The following GDA variants were observed in gnomAD, a reference collection of about 807,000 sequenced individuals.
GDA encodes guanine deaminase, also known as cytoplasmic PSD-95 interactor.
In GDA, 18 loss-of-function variants were observed where a neutral mutation model predicts 59.6. That is an observed-to-expected ratio of 0.30 (90% CI 0.21 to 0.45). GDA has a LOEUF of 0.45. GDA is among the 20% of genes least tolerant of loss of function. The pLI, the probability that GDA is intolerant of heterozygous loss-of-function variation, is 1.00. For synonymous variants in GDA, 201 were observed against 201.1 expected, an observed-to-expected ratio of 1.00 and a Z score of 0.00; for missense variants, 427 against 552.3, an observed-to-expected ratio of 0.77 and a Z score of 2.27.
intron 1 of GDA, among the ~76,000 whole-genome samples, chr9:72,174,644 C>G (rs555309918): frequency 6.2e-4 from 94 of 151,994 alleles, no homozygotes; most frequent in African/African-American, 2.2e-3. Context: ...CAGAGAGAAG[C>G]AAAACTGCTT....
rs140386870 is a variant in GDA at position 72,182,394 on chromosome 9, CT to C, written c.124-13100del. On this transcript the variant is annotated intron_variant, in intron 1 of 13. Transcript: ENST00000358399. ...TTTCAAGAATATAGAAGAGTTTCTC[CT>C]TTTTTCAAACTGTCCCTTAATTTGG... 7.3e-3 allele frequency among the ~76,000 whole-genome samples: 1,108 copies of C among 152,188 alleles called. 16 individuals carry two copies. The highest frequency in any genetic ancestry group is 0.025 in the African/African-American group (1,027 of 41,520).
Position 72,248,354 on chromosome 9 carries a change from G to A in GDA, c.*12G>A, listed in dbSNP as rs377713055. ...CCAGCTCAGTGTAAGACCCTCGGGC[G>A]TCTACAAAGTTCTCCTGGGATTAGC... On this transcript the variant is annotated 3_prime_UTR_variant, in exon 14 of 14. Transcript: ENST00000358399. The A allele has an allele frequency of 3.0e-5, 49 of 1,613,292 alleles. No homozygotes were observed. The highest frequency in any genetic ancestry group is 1.7e-4 in the Middle Eastern group (1 of 6,058).
At chr9:72,194,181 C>A (rs114261084) in intron 1 of GDA, 1 of 152,128 alleles carries the variant, frequency 6.6e-6, no homozygotes. Flanking sequence ...ACCGTTTACC[C>A]TCTGCTTTCC....
intron 10 of GDA, among the ~76,000 whole-genome samples, chr9:72,236,142 C>T (rs1490968086): frequency 6.6e-6 from 1 of 152,174 alleles, no homozygotes; most frequent in African/African-American, 2.4e-5. Flanking sequence ...TGGAAACATT[C>T]TCGCTTTTCA....
chr9:72,234,788 A>G lies in GDA; in HGVS notation c.988+3607A>G, dbSNP rs76404435. On this transcript the variant is annotated intron_variant, in intron 10 of 13. Transcript: ENST00000358399. ...ATTTCTACAATATTGACACAAGGAA[A>G]AAAGTCAATTATCAACAAAACAATT... Among the ~76,000 whole-genome samples, 974 of 152,364 alleles carry G rather than the reference A, an allele frequency of 6.4e-3. 6 individuals are homozygous for G. Among genetic ancestry groups the G allele is most frequent in the Admixed American group, 9.5e-3 (146 of 15,310 alleles).
chr9:72,127,560 CCAG>C (rs921400810), intron 1 of GDA, among the ~76,000 whole-genome samples: 2 of 151,608 alleles, frequency 1.3e-5, no homozygotes, highest in African/African-American at 4.8e-5. Context: ...TCGCTTGAAC[CCAG>C]GAGGTGGAGG....
intron 10 of GDA, among the ~76,000 whole-genome samples, chr9:72,234,531 A>T (rs1838737614): frequency 6.6e-6 from 1 of 152,198 alleles, no homozygotes; most frequent in African/African-American, 2.4e-5. Flanking sequence ...ACCAAAGATG[A>T]TAGAAGGTGT....
Position 72,250,187 on chromosome 9 carries a change from T to A in GDA, c.*1845T>A, listed in dbSNP as rs1459119160. On this transcript the variant is annotated 3_prime_UTR_variant, in exon 14 of 14. Coordinates refer to ENST00000358399, the MANE Select transcript of GDA (RefSeq NM_004293.5). ...CTCAACCCCTGCCAAAGGAACTTGATTACATGGTGTCTAACCAAATGAGCA... is the reference window on the plus strand; with the variant it reads ...CTCAACCCCTGCCAAAGGAACTTGAATACATGGTGTCTAACCAAATGAGCA... 1.5e-5 allele frequency: 15 copies of A among 984,584 alleles called. No individual in the cohort carries two copies. The highest frequency in any genetic ancestry group is 1.8e-5 in the Non-Finnish European group (15 of 829,270). 61.0% of individuals were successfully genotyped at this position (984,584 alleles called of 1,614,324 possible).
Position 72,130,885 on chromosome 9 carries a change from C to A in GDA, c.-100+16052C>A, listed in dbSNP as rs1826003263. ...GGTTTCCAATTTTTTCATCTGCTAT[C>A]TTCACCTCCTATCCTTATTCACAAT... On this transcript the variant is annotated intron_variant, in intron 1 of 13. Transcript: ENST00000545168. Among the ~76,000 whole-genome samples the A allele has an allele frequency of 1.3e-5, 2 of 152,354 alleles. 1 individual carries two copies. Among genetic ancestry groups the A allele is most frequent in the African/African-American group, 4.8e-5 (2 of 41,576 alleles).
At chr9:72,115,767 A>T (rs952294791) in intron 1 of GDA, among the ~76,000 whole-genome samples, 1 of 152,228 alleles carries the variant, frequency 6.6e-6, no homozygotes, top group East Asian at 1.9e-4. Flanking sequence ...TAAACTGCTG[A>T]TCTTGAATAT....
intron 1 of GDA, among the ~76,000 whole-genome samples, chr9:72,128,765 T>C (rs1449546689): frequency 1.3e-5 from 2 of 152,200 alleles, no homozygotes; most frequent in African/African-American, 4.8e-5. Context: ...TGATTCACTT[T>C]TCTGACTAGC....
intron 10 of GDA, among the ~76,000 whole-genome samples, chr9:72,237,069 C>T (rs561268957): frequency 8.6e-5 from 13 of 151,934 alleles, no homozygotes; most frequent in Non-Finnish European, 1.5e-4. Context: ...CATAAGCCAC[C>T]ACGCCTGGCA....
chr9:72,212,270 C>T (rs571647696), intron 4 of GDA, among the ~76,000 whole-genome samples: 9 of 152,162 alleles, frequency 5.9e-5, no homozygotes, highest in East Asian at 3.9e-4. Flanking sequence ...ATCATGAGGT[C>T]GGGAGATTGA....
intron 1 of GDA, among the ~76,000 whole-genome samples, chr9:72,191,071 G>A (rs1832482091): frequency 6.6e-6 from 1 of 152,156 alleles, no homozygotes; most frequent in African/African-American, 2.4e-5. Context: ...AACTTGTTAT[G>A]TGATAAATTT....
At chr9:72,236,774 CTATTT>C (rs1839045870) in intron 10 of GDA, among the ~76,000 whole-genome samples, 2 of 127,594 alleles carry the variant, frequency 1.6e-5, no homozygotes, top group African/African-American at 2.8e-5. Flanking sequence ...AAAACCACTC[CTATTT>C]TTTTTTTTTT....
chr9:72,186,168 G>GAA (rs1424746418), intron 1 of GDA, among the ~76,000 whole-genome samples: 1 of 152,246 alleles, frequency 6.6e-6, no homozygotes, highest in East Asian at 1.9e-4. Context: ...GCCCCATGAA[G>GAA]AAAGCATCAA....
intron 9 of GDA, 105 bp downstream of exon 9, chr9:72,228,145 T>G (rs940027628): frequency 9.8e-6 from 7 of 717,130 alleles, no homozygotes. Context: ...TCCCCTCTAT[T>G]CTGTGTTTGG....
At chr9:72,257,181 A>T (rs1302272163), downstream of GDA, 1 of 152,236 alleles carries the variant, frequency 6.6e-6, no homozygotes. Context: ...CAACACCTGG[A>T]GACCTTTTCC....
intron 1 of GDA, among the ~76,000 whole-genome samples, chr9:72,188,410 C>G (rs1006758047): frequency 3.3e-5 from 5 of 152,222 alleles, no homozygotes; most frequent in Non-Finnish European, 7.3e-5. Flanking sequence ...GCAGAGAGCT[C>G]TTTCACTGCT....
Sources: gnomAD v4.1 joint callset for allele counts (sites outside exome capture counted in the v4.1 genomes callset) on GRCh38, gnomAD v4.1.1 for gene constraint, MANE v1.5 for transcripts, NCBI Gene and HGNC (gene_info 2026-07-23, HGNC 2026-07-21) for gene names.